NRG1: variants seen among roughly 807,000 people sequenced by gnomAD.
The protein encoded by NRG1 is pro-neuregulin-1, membrane-bound isoform.
A neutral mutation model predicts 63.8 loss-of-function variants in NRG1; 18 were observed. The observed-to-expected ratio is 0.28, with a 90% CI of 0.19 to 0.42. NRG1 has a LOEUF of 0.42. NRG1 is among the 10% of genes least tolerant of loss of function. NRG1 has a pLI of 1.00. For missense variants in NRG1, 762 were observed against 814.7 expected (o/e 0.94, Z 0.79); for synonymous variants, 302 against 301.3 (o/e 1.00, Z -0.02).
intron 1 of NRG1, among the ~76,000 whole-genome samples, chr8:32,420,173 C>G (rs749548012): frequency 7.0e-4 from 107 of 152,156 alleles, no homozygotes; most frequent in Non-Finnish European, 8.5e-4. Flanking sequence ...TGACCATCAG[C>G]TGGAAGAAGC....
chr8:32,638,948 T>C (rs546248817), intron 5 of NRG1, among the ~76,000 whole-genome samples: 1 of 152,224 alleles, frequency 6.6e-6, no homozygotes, highest in African/African-American at 2.4e-5. Flanking sequence ...GCCAAATCAG[T>C]TCTGGAAACT....
chr8:32,274,274 A>G (rs1586557812), intron 1 of NRG1, among the ~76,000 whole-genome samples: 1 of 152,178 alleles, frequency 6.6e-6, no homozygotes, highest in Admixed American at 6.5e-5. Context: ...TCTACTCTCC[A>G]TTCAAAACAA....
intron 1 of NRG1, among the ~76,000 whole-genome samples, chr8:32,241,821 C>T (rs1030733886): frequency 6.6e-6 from 1 of 151,212 alleles, no homozygotes; most frequent in East Asian, 2.0e-4. Context: ...TGCAGTGGTG[C>T]AATCGTAGCT....
At chr8:32,281,912 C>T (rs1438742482) in intron 1 of NRG1, among the ~76,000 whole-genome samples, 1 of 152,078 alleles carries the variant, frequency 6.6e-6, no homozygotes, top group Non-Finnish European at 1.5e-5. Context: ...AACACAACAA[C>T]GAAGTGTTTA....
chr8:32,311,779 G>A (rs955491795), intron 1 of NRG1, among the ~76,000 whole-genome samples: 3 of 152,124 alleles, frequency 2.0e-5, no homozygotes, highest in African/African-American at 4.8e-5. Context: ...GCCCAGAGCC[G>A]TGCTGCTTTT....
intron 3 of NRG1, 148 bp from the exon 4 acceptor site, chr8:32,614,364 ACT>A (rs1846924812): frequency 1.4e-5 from 8 of 575,976 alleles, no homozygotes; most frequent in Non-Finnish European, 2.5e-5. Flanking sequence ...TGCATTTCTC[ACT>A]CTCTGTATGG....
chr8:32,358,089 T>A (rs930249196), intron 1 of NRG1, among the ~76,000 whole-genome samples: 11 of 152,148 alleles, frequency 7.2e-5, no homozygotes, highest in African/African-American at 2.7e-4. Flanking sequence ...CAAGTGGAGA[T>A]GACTAAGTCA....
chr8:32,162,725 G>T (rs186023469), intron 1 of NRG1, among the ~76,000 whole-genome samples: 1 of 151,972 alleles, frequency 6.6e-6, no homozygotes, highest in Non-Finnish European at 1.5e-5. Flanking sequence ...TGGAGAGTGG[G>T]TTAGCAAATT....
At chr8:32,418,296 G>T (rs866001788) in intron 1 of NRG1, among the ~76,000 whole-genome samples, 1 of 151,822 alleles carries the variant, frequency 6.6e-6, no homozygotes, top group Admixed American at 6.6e-5. Flanking sequence ...AATTAAAAAG[G>T]TAAAGAGAAA....
Position 31,966,709 on chromosome 8 carries a change from G to T in NRG1, c.37+327278G>T, listed in dbSNP as rs188167948. Among the ~76,000 whole-genome samples, 20 of 152,226 alleles carry T rather than the reference G, an allele frequency of 1.3e-4. No homozygotes were observed. The East Asian group carries it at 3.7e-3, about 28-fold the overall frequency. ...CATTGAATAGATGTGGCACATTCTG[G>T]ATCTAGTGAGAATAACCTATGTATA... On this transcript the variant is annotated intron_variant, in intron 1 of 10. Coordinates refer to the NRG1 transcript ENST00000519301.
At chr8:32,211,253 A>G (rs1430566691) in intron 1 of NRG1, among the ~76,000 whole-genome samples, 1 of 152,130 alleles carries the variant, frequency 6.6e-6, no homozygotes, top group Non-Finnish European at 1.5e-5. Context: ...ACATGCATTT[A>G]TTTTTTTCAC....
At chr8:32,763,845 G>A (rs373628055) in exon 12 of NRG1, 47 of 1,613,688 alleles carry the variant, frequency 2.9e-5, no homozygotes, top group South Asian at 2.7e-4. Context: ...GTCTCCACCC[G>A]TGTCCAGCAT....
chr8:32,256,976 G>A (rs1189180953), intron 1 of NRG1, among the ~76,000 whole-genome samples: 1 of 152,182 alleles, frequency 6.6e-6, no homozygotes, highest in Non-Finnish European at 1.5e-5. Flanking sequence ...TTTCAGAGAT[G>A]CCCTGCCCAG....
At chr8:32,625,209 A>G (rs1488307979) in intron 5 of NRG1, among the ~76,000 whole-genome samples, 1 of 151,930 alleles carries the variant, frequency 6.6e-6, no homozygotes, top group African/African-American at 2.4e-5. Context: ...CTGTGTATAC[A>G]TAGTTTAGCT....
At chr8:32,233,567 T>A (rs1487917366) in intron 1 of NRG1, among the ~76,000 whole-genome samples, 354 of 61,930 alleles carry the variant, frequency 5.7e-3, no homozygotes, top group African/African-American at 0.02. Flanking sequence ...ATATATATTT[T>A]TTTTTTTTTT....
At chr8:32,133,810 A>T (rs1835159148) in intron 1 of NRG1, among the ~76,000 whole-genome samples, 1 of 152,164 alleles carries the variant, frequency 6.6e-6, no homozygotes, top group East Asian at 1.9e-4. Context: ...GTAAATTGGT[A>T]GACTAGATAT....
intron 1 of NRG1, among the ~76,000 whole-genome samples, chr8:31,777,406 A>G (rs1053090851): frequency 2.0e-5 from 3 of 152,222 alleles, no homozygotes; most frequent in Non-Finnish European, 4.4e-5. Context: ...AGGACCAGAG[A>G]GTAGGCATCC....
At chr8:32,517,457 T>C (rs1172787874) in intron 1 of NRG1, among the ~76,000 whole-genome samples, 2 of 152,072 alleles carry the variant, frequency 1.3e-5, no homozygotes, top group African/African-American at 4.8e-5. Flanking sequence ...GGTATCACAT[T>C]TGAGAGGAAG....
chr8:32,702,086 A>G (rs1446522961), intron 5 of NRG1, among the ~76,000 whole-genome samples: 1 of 152,220 alleles, frequency 6.6e-6, no homozygotes, highest in African/African-American at 2.4e-5. Flanking sequence ...AATATCAAAA[A>G]TGGAAAATCT....
Sources: allele counts gnomAD v4.1 joint callset (sites outside exome capture counted in the v4.1 genomes callset), GRCh38; gene constraint gnomAD v4.1.1; transcripts MANE v1.5; gene names NCBI Gene and HGNC (gene_info 2026-07-23, HGNC 2026-07-21).